Variants in SEPTIN9 observed in about 807,000 individuals in gnomAD.
SEPTIN9 encodes the protein septin-9.
A neutral mutation model predicts 56.6 loss-of-function variants in SEPTIN9; 13 were observed. The observed-to-expected ratio is 0.23, with a 90% CI of 0.15 to 0.37. SEPTIN9 has a LOEUF of 0.37. Among genes scored for constraint, SEPTIN9 ranks in the 10% least tolerant of loss-of-function variants. The pLI is 1.00. For synonymous variants in SEPTIN9, 332 were observed against 334.1 expected (o/e 0.99, Z 0.07); for missense variants, 650 against 823.1 (o/e 0.79, Z 2.57).
chr17:77,360,103 G>A (rs2034366220), intron 2 of SEPTIN9, among the ~76,000 whole-genome samples: 1 of 147,642 alleles, frequency 6.8e-6, no homozygotes, highest in South Asian at 2.1e-4. Flanking sequence ...GTTGCAGTGA[G>A]CCAAGATCAC....
chr17:77,366,305 T>C (rs889204673), intron 2 of SEPTIN9, among the ~76,000 whole-genome samples: 2 of 152,182 alleles, frequency 1.3e-5, no homozygotes, highest in Non-Finnish European at 1.5e-5. Context: ...TTGGAGACTT[T>C]AGCCATTTCA....
chr17:77,376,076 G>A, intron 2 of SEPTIN9: 1 of 986,016 alleles, frequency 1.0e-6, no homozygotes, highest in East Asian at 1.1e-4. Flanking sequence ...TAGCTAGCAG[G>A]GGAGAAGTCA....
intron 1 of SEPTIN9, 93 bp from the exon 2 acceptor site, chr17:77,307,048 G>A: frequency 8.2e-7 from 1 of 1,215,564 alleles, no homozygotes; most frequent in Non-Finnish European, 1.2e-6. Context: ...CACAGCAGGA[G>A]CAAAGGCGAG....
intron 1 of SEPTIN9, among the ~76,000 whole-genome samples, chr17:77,301,003 G>A (rs2032027483): frequency 9.1e-6 from 1 of 110,046 alleles, no homozygotes; most frequent in East Asian, 3.0e-4. Context: ...CGCAACCCAG[G>A]CTTAAAGCGC....
chr17:77,466,730 T>C (rs2038751807), intron 3 of SEPTIN9, among the ~76,000 whole-genome samples: 1 of 152,198 alleles, frequency 6.6e-6, no homozygotes, highest in African/African-American at 2.4e-5. Flanking sequence ...GAACACGCTA[T>C]TACTGCAGTT....
intron 2 of SEPTIN9, chr17:77,373,998 AG>A (rs902447465): frequency 6.3e-6 from 1 of 157,958 alleles, no homozygotes; most frequent in African/African-American, 2.4e-5. Context: ...GCAACGGGAT[AG>A]GGAGGTCGTT....
intron 1 of SEPTIN9, among the ~76,000 whole-genome samples, chr17:77,300,047 T>C (rs1486217639): frequency 6.6e-6 from 1 of 152,230 alleles, no homozygotes; most frequent in Non-Finnish European, 1.5e-5. Flanking sequence ...GTGGTGCCCC[T>C]TCCGCTTCAC....
rs77618212 is a variant in SEPTIN9, at chr17:77,480,355, G to A, written c.722-1789G>A. ...CCTCAGGCCTGGGGAGCCTCCCTCC[G>A]ACACCCTCTGACCGCTCCAGTGAAA... On this transcript the variant is annotated intron_variant, in intron 3 of 11. Transcript: ENST00000427177. Among the ~76,000 whole-genome samples the A allele has an allele frequency of 2.8e-4, 42 of 152,328 alleles. 1 individual carries two copies. The East Asian group carries it at 6.4e-3, about 23-fold the overall frequency.
intron 2 of SEPTIN9, among the ~76,000 whole-genome samples, chr17:77,358,445 AC>A (rs1341328894): frequency 6.6e-6 from 1 of 152,022 alleles, no homozygotes; most frequent in Non-Finnish European, 1.5e-5. Flanking sequence ...ACATGGTAAA[AC>A]CCCATCTCTA....
intron 1 of SEPTIN9, among the ~76,000 whole-genome samples, chr17:77,283,648 C>G (rs532252664): frequency 1.3e-5 from 2 of 152,194 alleles, no homozygotes. Context: ...ATTATTGCTT[C>G]CAGACCTGTA....
In SEPTIN9 at chr17:77,425,802, C is replaced by T. The variant is rs1057228719; in HGVS notation, c.721+23099C>T. On this transcript the variant is annotated intron_variant, in intron 3 of 11. Transcript: ENST00000427177. The surrounding 1 kb of genome is among the most constrained non-coding windows in gnomAD (Gnocchi z 4.2). ...TTTACCTGTGTGCTTAGAATCTGTGCGTGGAGCCAGAAGTCACAAGGTTGG... is the reference window on the plus strand; with the variant it reads ...TTTACCTGTGTGCTTAGAATCTGTGTGTGGAGCCAGAAGTCACAAGGTTGG... Among the ~76,000 whole-genome samples the T allele has an allele frequency of 1.3e-5, 2 of 151,684 alleles. No homozygotes were observed. Among genetic ancestry groups the T allele is most frequent in the Non-Finnish European group, 1.5e-5 (1 of 67,944 alleles).
Position 77,436,144 on chromosome 17 carries a change from G to A in SEPTIN9, c.721+33441G>A, listed in dbSNP as rs566816273. ...CTGCGGGCCTGGTTGGGGAGTGTGA[G>A]GATGCCTGCTGGAAGCCAACGTGCA... On this transcript the variant is annotated intron_variant, in intron 3 of 11. Transcript: ENST00000427177. This position sits in a 1 kb window ranked among gnomAD's most constrained non-coding sequence, Gnocchi z 4.4. Among the ~76,000 whole-genome samples, 5 of 152,176 alleles carry A rather than the reference G, an allele frequency of 3.3e-5. No homozygotes were observed. Among genetic ancestry groups the A allele is most frequent in the Non-Finnish European group, 7.3e-5 (5 of 68,032 alleles).
At chr17:77,478,046 C>T (rs1568103517) in intron 3 of SEPTIN9, among the ~76,000 whole-genome samples, 1 of 152,046 alleles carries the variant, frequency 6.6e-6, no homozygotes, top group Admixed American at 6.6e-5. Context: ...GCATATCATA[C>T]AAGCAGGAGT....
chr17:77,337,497 G>T (rs914043246), intron 2 of SEPTIN9, among the ~76,000 whole-genome samples: 29 of 152,030 alleles, frequency 1.9e-4, no homozygotes, highest in Admixed American at 7.2e-4. Flanking sequence ...GTCTTTGTCA[G>T]CCTCATTTTG....
In SEPTIN9 at chr17:77,339,902, C is replaced by T. The variant is rs546925486; in HGVS notation, c.76+32705C>T. On this transcript the variant is annotated intron_variant, in intron 2 of 11. Coordinates refer to ENST00000427177, the MANE Select transcript of SEPTIN9 (RefSeq NM_001113491.2). ...GTGCAGCAGCGCTATCTCAGCTCAC[C>T]GCAGCCTCCGCCTCCCAGGTTCAAG... Among the ~76,000 whole-genome samples, 38 of 149,666 alleles carry T rather than the reference C, an allele frequency of 2.5e-4. No homozygotes were observed. In the South Asian group the frequency reaches 3.4e-3, roughly 13 times the overall value.
rs139960191 is a variant in SEPTIN9 at position 77,335,080 on chromosome 17, A to T, written c.76+27883A>T. Among the ~76,000 whole-genome samples, 125 of 151,794 alleles carry T rather than the reference A, an allele frequency of 8.2e-4. 1 individual carries two copies. Among genetic ancestry groups the T allele is most frequent in the African/African-American group, 2.9e-3 (121 of 41,356 alleles). On this transcript the variant is annotated intron_variant, in intron 2 of 11. Transcript: ENST00000427177. ...TATGTGGTCCTGTATTAGTATATAC[A>T]TATCAGCCCTATATTGACTGTATAT...
chr17:77,350,392 G>T (rs945616861), intron 2 of SEPTIN9, among the ~76,000 whole-genome samples: 1 of 152,222 alleles, frequency 6.6e-6, no homozygotes, highest in Non-Finnish European at 1.5e-5. Flanking sequence ...TCCTAGCTGG[G>T]GGGCTACCAG....
chr17:77,312,956 C>G (rs1181583393), intron 2 of SEPTIN9, among the ~76,000 whole-genome samples: 3 of 152,210 alleles, frequency 2.0e-5, no homozygotes, highest in Non-Finnish European at 2.9e-5. Flanking sequence ...ACGGCAGATA[C>G]AGAACATTGA....
At chr17:77,292,885 T>A (rs146719943) in intron 1 of SEPTIN9, among the ~76,000 whole-genome samples, 190 of 152,324 alleles carry the variant, frequency 1.2e-3, no homozygotes, top group African/African-American at 4.5e-3. Context: ...ATCTTCCCCT[T>A]GGCCCCCTGG....
Sources: allele counts gnomAD v4.1 joint callset (sites outside exome capture counted in the v4.1 genomes callset), GRCh38; gene constraint gnomAD v4.1.1; non-coding constraint Gnocchi (gnomAD v3.1); transcripts MANE v1.5; gene names NCBI Gene and HGNC (gene_info 2026-07-23, HGNC 2026-07-21).